Variants in EGFLAM observed in about 807,000 individuals in gnomAD.
EGFLAM encodes pikachurin.
Under a neutral mutation model 113.1 loss-of-function variants are expected in EGFLAM, and 79 were observed. The observed-to-expected ratio is 0.70, with a 90% CI of 0.58 to 0.84. The LOEUF (loss-of-function observed/expected upper bound fraction) is 0.84, where lower values mean the gene tolerates loss of function less well. Among genes scored for constraint, EGFLAM ranks in the 40% least tolerant of loss-of-function variants. EGFLAM has a pLI of 0.00. For synonymous variants in EGFLAM, 504 were observed against 487.6 expected (o/e 1.03, Z -0.44); for missense variants, 1,265 against 1,291.6 (o/e 0.98, Z 0.32).
intron 1 of EGFLAM, among the ~76,000 whole-genome samples, chr5:38,322,499 G>A (rs890178370): frequency 1.3e-5 from 2 of 152,294 alleles, no homozygotes; most frequent in South Asian, 4.2e-4. Context: ...GCCCTGAGGA[G>A]CTGTTCCAAG....
rs145157606 is a variant in EGFLAM, at chr5:38,287,484, G to T, written c.97+28633G>T. Among the ~76,000 whole-genome samples the T allele has an allele frequency of 1.9e-3, 287 of 152,244 alleles. 3 individuals carry two copies. Among genetic ancestry groups the T allele is most frequent in the African/African-American group, 6.7e-3 (278 of 41,556 alleles). ...CCTCCTGGACTCAAGCAGTCCTTCT[G>T]CCTCAGCCTCCTGAGTAGCTGGGAC... On this transcript the variant is annotated intron_variant, in intron 1 of 21. Coordinates refer to ENST00000322350, the MANE Select transcript of EGFLAM (RefSeq NM_152403.4).
intron 20 of EGFLAM, 132 bp downstream of exon 20, chr5:38,458,526 A>G (rs1743165782): frequency 1.5e-5 from 12 of 779,674 alleles, no homozygotes; most frequent in South Asian, 1.3e-4. Flanking sequence ...GATCCAGGGC[A>G]TTCAGGGAAT....
At chr5:38,411,801 TA>T (rs1208333052) in intron 10 of EGFLAM, among the ~76,000 whole-genome samples, 4 of 151,958 alleles carry the variant, frequency 2.6e-5, no homozygotes, top group Non-Finnish European at 2.9e-5. Flanking sequence ...TTTAAACTTT[TA>T]TTTTTTTATT....
intron 1 of EGFLAM, among the ~76,000 whole-genome samples, chr5:38,329,972 A>T (rs1371198779): frequency 6.6e-6 from 1 of 152,198 alleles, no homozygotes; most frequent in Non-Finnish European, 1.5e-5. Context: ...AATAGGAGTC[A>T]TACCTAACCA....
At chr5:38,264,828 A>G (rs1757593179) in intron 1 of EGFLAM, among the ~76,000 whole-genome samples, 1 of 152,208 alleles carries the variant, frequency 6.6e-6, no homozygotes, top group East Asian at 1.9e-4. Flanking sequence ...CTAGGGACCT[A>G]GCACACTCAT....
intron 19 of EGFLAM, among the ~76,000 whole-genome samples, chr5:38,457,344 G>C (rs1372340201): frequency 1.3e-5 from 2 of 152,178 alleles, no homozygotes; most frequent in African/African-American, 2.4e-5. Context: ...CTGAAGGCTA[G>C]AAATCCACCA....
At chr5:38,269,001 A>G (rs911408612) in intron 1 of EGFLAM, among the ~76,000 whole-genome samples, 2 of 152,086 alleles carry the variant, frequency 1.3e-5, no homozygotes, top group African/African-American at 4.8e-5. Context: ...ACATGGCGAA[A>G]CCGCATCTCT....
At chr5:38,267,107 A>G (rs910104667) in intron 1 of EGFLAM, among the ~76,000 whole-genome samples, 3 of 152,226 alleles carry the variant, frequency 2.0e-5, no homozygotes, top group Non-Finnish European at 4.4e-5. Flanking sequence ...AAGGATATAC[A>G]TCCCAGTGCT....
chr5:38,463,088 C>A, intron 21 of EGFLAM, 77 bp downstream of exon 21: 1 of 1,423,246 alleles, frequency 7.0e-7, no homozygotes. Flanking sequence ...TGTGCCGAGG[C>A]TATGTACTTT....
chr5:38,399,483 G>T (rs1280425689), intron 6 of EGFLAM, among the ~76,000 whole-genome samples: 1 of 151,962 alleles, frequency 6.6e-6, no homozygotes, highest in Non-Finnish European at 1.5e-5. Context: ...TCGCTATGTT[G>T]TGCAAGCTGG....
At chr5:38,427,529 A>C (rs1026439610) in intron 14 of EGFLAM, among the ~76,000 whole-genome samples, 3 of 152,226 alleles carry the variant, frequency 2.0e-5, no homozygotes, top group Non-Finnish European at 4.4e-5. Flanking sequence ...CTTCAGGTGG[A>C]GGTAAACTGC....
At chr5:38,289,281 A>T in intron 1 of EGFLAM, among the ~76,000 whole-genome samples, 1 of 124,598 alleles carries the variant, frequency 8.0e-6, no homozygotes, top group Non-Finnish European at 1.7e-5. Context: ...CCCCGCCCCC[A>T]CATTTCAGTT....
intron 1 of EGFLAM, among the ~76,000 whole-genome samples, chr5:38,269,961 T>G (rs1258860086): frequency 6.6e-6 from 1 of 152,212 alleles, no homozygotes; most frequent in Non-Finnish European, 1.5e-5. Flanking sequence ...CAGCGGTGTT[T>G]CTGCAGCTAA....
intron 17 of EGFLAM, among the ~76,000 whole-genome samples, chr5:38,440,544 T>C (rs1274308873): frequency 6.6e-6 from 1 of 152,164 alleles, no homozygotes; most frequent in Non-Finnish European, 1.5e-5. Flanking sequence ...TGTTGTTCCA[T>C]AGAGATGCAA....
At chr5:38,272,318 A>G (rs1465883905) in intron 1 of EGFLAM, among the ~76,000 whole-genome samples, 1 of 152,216 alleles carries the variant, frequency 6.6e-6, no homozygotes, top group African/African-American at 2.4e-5. Flanking sequence ...ACTGAAAAGT[A>G]GTAGGTGGGG....
chr5:38,445,528 A>T (rs948671964), intron 17 of EGFLAM: 12 of 1,555,728 alleles, frequency 7.7e-6, no homozygotes, highest in Non-Finnish European at 9.5e-6. Context: ...TCATATTCAC[A>T]TTCCCTAAGA....
intron 1 of EGFLAM, among the ~76,000 whole-genome samples, chr5:38,263,664 A>G (rs947379074): frequency 7.2e-5 from 11 of 151,872 alleles, no homozygotes; most frequent in African/African-American, 2.7e-4. Flanking sequence ...CTAATTTATC[A>G]TTTTCTTAAA....
At position 38,370,333 on chromosome 5, in the gene EGFLAM, C is replaced by T. The variant is rs951136341; in HGVS notation, c.583C>T (p.Arg195Trp). Residue 195 changes from arginine (R) to tryptophan (W), a missense_variant, in exon 6 of 22, where the codon CGG becomes TGG. By Grantham distance (101) the Arg-to-Trp change is moderately radical. Transcript: ENST00000322350. Reference sequence around the variant, plus strand: ...CAAGAAGTGGACCTCAATCCATGAGCGGATCCAGATGGACTCCATGGTTAT... The same window carrying T: ...CAAGAAGTGGACCTCAATCCATGAGTGGATCCAGATGGACTCCATGGTTAT... ...FDKKWTSIHE[R>W]IQMDSMVIKG... 9 of 1,614,160 alleles carry T rather than the reference C, an allele frequency of 5.6e-6. No homozygotes were observed. Among genetic ancestry groups the T allele is most frequent in the Admixed American group, 3.3e-5 (2 of 60,026 alleles).
At chr5:38,379,931 C>T (rs1334573438) in intron 6 of EGFLAM, among the ~76,000 whole-genome samples, 1 of 151,982 alleles carries the variant, frequency 6.6e-6, no homozygotes, top group African/African-American at 2.4e-5. Flanking sequence ...AGACAATGGT[C>T]AGCAAATTTT....
Sources: gnomAD v4.1 joint callset for allele counts (sites outside exome capture counted in the v4.1 genomes callset) on GRCh38, gnomAD v4.1.1 for gene constraint, MANE v1.5 for transcripts, NCBI Gene and HGNC (gene_info 2026-07-23, HGNC 2026-07-21) for gene names.